SMIM20: variants seen among roughly 807,000 people sequenced by gnomAD.
The protein encoded by SMIM20 is small integral membrane protein 20, also known as mitochondrial translation regulation assembly intermediate of cytochrome c oxidase protein of 7 kDa.
SMIM20 carries 3 observed loss-of-function variants against 8.7 expected under a neutral mutation model. The observed-to-expected ratio is 0.34, with a 90% CI of 0.16 to 0.89. SMIM20 has a LOEUF of 0.89. Ranked by LOEUF, SMIM20 falls within the 40% of genes least tolerant of loss-of-function variation. SMIM20 has a pLI of 0.49. For synonymous variants in SMIM20, 44 were observed against 33.6 expected (o/e 1.31, Z -1.07); for missense variants, 85 against 84.8 (o/e 1.00, Z -0.01).
rs1026684119 is a variant in SMIM20 at position 25,915,639 on chromosome 4, G to A, written c.109+1217G>A. 2.6e-5 allele frequency among the ~76,000 whole-genome samples: 4 copies of A among 152,180 alleles called. No homozygotes were observed. In the East Asian group the frequency reaches 7.7e-4, roughly 29 times the overall value. ...GTGGGAGTAAGGTGGGCTGTGTGAAGCCCTGCGGGATCTGTTTCCACCATC... is the reference window on the plus strand; with the variant it reads ...GTGGGAGTAAGGTGGGCTGTGTGAAACCCTGCGGGATCTGTTTCCACCATC... On this transcript the variant is annotated intron_variant, in intron 1 of 2. Transcript: ENST00000506197.
chr4:25,928,324 G>T lies in SMIM20; in HGVS notation c.121G>T (p.Ala41Ser). ...CTTATGTTTCTCAGAGAAGGAACAA[G>T]CTATAAATCGGGCTGGAATTGTTCA... ...MRLEEYKKEQ[A>S]INRAGIVQED... is the part of the protein sequence containing the mutation. Residue 41 changes from alanine (A) to serine (S), a missense_variant, in exon 2 of 3, where the codon GCT becomes TCT. Physicochemically the swap from Ala to Ser is moderately conservative, Grantham distance 99. Transcript: ENST00000506197. The T allele has an allele frequency of 6.5e-7, 1 of 1,549,854 alleles. No homozygotes were observed. Among genetic ancestry groups the T allele is most frequent in the Non-Finnish European group, 8.7e-7 (1 of 1,146,350 alleles).
At chr4:25,922,393 C>G (rs185443062) in intron 1 of SMIM20, among the ~76,000 whole-genome samples, 1 of 152,254 alleles carries the variant, frequency 6.6e-6, no homozygotes, top group African/African-American at 2.4e-5. Context: ...GCTGCCATAT[C>G]TAGGTTTGAT....
Position 25,914,255 on chromosome 4 carries a change from A to G in SMIM20, c.-59A>G, listed in dbSNP as rs1366939021. The G allele has an allele frequency of 1.3e-6, 2 of 1,517,454 alleles. No homozygotes were observed. Among genetic ancestry groups the G allele is most frequent in the Non-Finnish European group, 1.8e-6 (2 of 1,126,442 alleles). The allele number at this position is 1,517,454 out of a possible 1,614,324, so 94.0% of individuals were successfully genotyped here. A position where few individuals can be genotyped will look rare whatever the true frequency, so the allele number is the denominator to read the frequency against. ...CGGGGTCACGGCCCGGCCGTCGGTA[A>G]CCTGGTTTCCGAGAGTGCCGGGCGG... is the stretch of plus-strand genomic sequence containing the variant. On this transcript the variant is annotated 5_prime_UTR_variant, in exon 1 of 3. Coordinates refer to ENST00000506197, the MANE Select transcript of SMIM20 (RefSeq NM_001145432.3).
chr4:25,920,709 T>C (rs371214507), intron 1 of SMIM20, among the ~76,000 whole-genome samples: 6 of 152,362 alleles, frequency 3.9e-5, no homozygotes, highest in African/African-American at 1.4e-4. Flanking sequence ...CAACTTCCAC[T>C]CCTGCAGGAT....
intron 1 of SMIM20, among the ~76,000 whole-genome samples, chr4:25,924,781 A>G (rs919175242): frequency 6.6e-6 from 1 of 152,224 alleles, no homozygotes; most frequent in Non-Finnish European, 1.5e-5. Flanking sequence ...ATGTAATCAC[A>G]ATGCGGTTTT....
rs773798325 is a variant in SMIM20 at position 25,929,467 on chromosome 4, GA to G, written c.*277del. On this transcript the variant is annotated 3_prime_UTR_variant, in exon 3 of 3. Transcript: ENST00000506197. ...AAGCTATCTCACCCAGCTGGGTTTG[GA>G]GGAGCAATCTGCTTATTATTCTGTC... is the stretch of plus-strand genomic sequence containing the variant. 87 of 396,332 alleles carry G rather than the reference GA, an allele frequency of 2.2e-4. No homozygotes were observed. Among genetic ancestry groups the G allele is most frequent in the Non-Finnish European group, 3.5e-4 (78 of 221,534 alleles). 24.6% of individuals were successfully genotyped at this position (396,332 alleles called of 1,614,324 possible). A position where few individuals can be genotyped will look rare whatever the true frequency, so the allele number is the denominator to read the frequency against.
At chr4:25,919,540 C>G (rs540196666) in intron 1 of SMIM20, among the ~76,000 whole-genome samples, 264 of 151,604 alleles carry the variant, frequency 1.7e-3, no homozygotes, top group South Asian at 4.4e-3. Context: ...TAGAGATGGG[C>G]TTTCACCATG....
chr4:25,914,505 A>G, intron 1 of SMIM20, 83 bp downstream of exon 1: 1 of 1,313,850 alleles, frequency 7.6e-7, no homozygotes, highest in Non-Finnish European at 1.0e-6. Flanking sequence ...GGTGCCGTGG[A>G]AAGAACTTGG....
intron 1 of SMIM20, among the ~76,000 whole-genome samples, chr4:25,926,694 C>T (rs1410644204): frequency 1.3e-5 from 2 of 152,246 alleles, no homozygotes; most frequent in African/African-American, 4.8e-5. Flanking sequence ...TTTTGCCTTG[C>T]AGTACCTGCC....
chr4:25,921,144 G>T (rs1719195167), intron 1 of SMIM20, among the ~76,000 whole-genome samples: 3 of 152,196 alleles, frequency 2.0e-5, no homozygotes, highest in African/African-American at 7.2e-5. Context: ...GGACAGGAAG[G>T]CCAGGTACGG....
In SMIM20 at chr4:25,929,349, G is replaced by T; in HGVS notation, c.*158G>T. ...CTTGTAATAAAAGACTGTGCACAAG[G>T]ATTAATATTTCCCTTCTTAAGTATC... On this transcript the variant is annotated 3_prime_UTR_variant, in exon 3 of 3. Transcript: ENST00000506197. 3.2e-6 allele frequency: 2 copies of T among 630,874 alleles called. No homozygotes were observed. The highest frequency in any genetic ancestry group is 2.6e-6 in the Non-Finnish European group (1 of 382,700). The allele number at this position is 630,874 out of a possible 1,614,324, so 39.1% of individuals were successfully genotyped here. A position where few individuals can be genotyped will look rare whatever the true frequency, so the allele number is the denominator to read the frequency against.
rs555957329 is a variant in SMIM20, at chr4:25,925,063, T to TTA, written c.110-3240_110-3239dup. 9.2e-5 allele frequency among the ~76,000 whole-genome samples: 14 copies of TTA among 152,116 alleles called. No individual in the cohort carries two copies. In the South Asian group the frequency reaches 1.5e-3, roughly 16 times the overall value. On this transcript the variant is annotated intron_variant, in intron 1 of 2. Transcript: ENST00000506197. ...TGGATCCCATCCCCAAGATATCTTG[T>TTA]TATATATATATGTAAATATTCCAAA...
chr4:25,927,670 T>C (rs1711539712), intron 1 of SMIM20, among the ~76,000 whole-genome samples: 1 of 152,238 alleles, frequency 6.6e-6, no homozygotes, highest in Non-Finnish European at 1.5e-5. Context: ...GTCAGAGTGC[T>C]TCAAGCCCAC....
At chr4:25,914,459 C>T (rs1416067684) in intron 1 of SMIM20, 37 bp downstream of exon 1, 1 of 1,427,326 alleles carries the variant, frequency 7.0e-7, no homozygotes, top group Non-Finnish European at 9.3e-7. Flanking sequence ...GACCTGACTC[C>T]CCAACACACA....
intron 1 of SMIM20, among the ~76,000 whole-genome samples, chr4:25,920,245 G>T (rs1250155701): frequency 1.3e-5 from 2 of 152,132 alleles, no homozygotes; most frequent in South Asian, 2.1e-4. Context: ...TTTGGCCCGC[G>T]ATAGACCATG....
chr4:25,921,558 T>A (rs1040337369), intron 1 of SMIM20, among the ~76,000 whole-genome samples: 3 of 152,060 alleles, frequency 2.0e-5, no homozygotes, highest in African/African-American at 7.3e-5. Flanking sequence ...TTTTGGGCAT[T>A]TGGGTAGCTT....
At chr4:25,915,853 A>AAGGGGGGGGGGG (rs1719078032) in intron 1 of SMIM20, among the ~76,000 whole-genome samples, 1 of 10,184 alleles carries the variant, frequency 9.8e-5, no homozygotes, top group African/African-American at 4.9e-4. Context: ...ACAACTTGGG[A>AAGGGGGGGGGGG]TGGGGCGGGG....
intron 1 of SMIM20, among the ~76,000 whole-genome samples, chr4:25,925,494 C>A (rs1388035514): frequency 6.6e-6 from 1 of 152,148 alleles, no homozygotes; most frequent in Non-Finnish European, 1.5e-5. Flanking sequence ...GCCTCGGCCT[C>A]CCAAAGTGCT....
In SMIM20 at chr4:25,929,449, C is replaced by A; in HGVS notation, c.*258C>A. The A allele has an allele frequency of 2.3e-6, 1 of 437,882 alleles. No homozygotes were observed. The allele number at this position is 437,882 out of a possible 1,614,324, so 27.1% of individuals were successfully genotyped here. ...GTTGATTTTCCAAAAATGAAGCTAT[C>A]TCACCCAGCTGGGTTTGGAGGAGCA... On this transcript the variant is annotated 3_prime_UTR_variant, in exon 3 of 3. Transcript: ENST00000506197.
Sources: allele counts gnomAD v4.1 joint callset (sites outside exome capture counted in the v4.1 genomes callset), GRCh38; gene constraint gnomAD v4.1.1; transcripts MANE v1.5; gene names NCBI Gene and HGNC (gene_info 2026-07-23, HGNC 2026-07-21).